SAMSN1: variants seen among roughly 807,000 people sequenced by gnomAD.
SAMSN1 encodes SAM domain-containing protein SAMSN-1.
SAMSN1 carries 31 observed loss-of-function variants against 42.0 expected under a neutral mutation model. That is an observed-to-expected ratio of 0.74 (90% CI 0.55 to 1.00). The LOEUF (loss-of-function observed/expected upper bound fraction) is 1.00. Among genes scored for constraint, SAMSN1 ranks in the 50% least tolerant of loss-of-function variants. SAMSN1 has a pLI of 0.00. For missense variants in SAMSN1, 464 were observed against 439.4 expected (o/e 1.06, Z -0.50); for synonymous variants, 178 against 151.9 (o/e 1.17, Z -1.26).
chr21:14,655,792 G>A (rs936169781), intron 1 of SAMSN1, among the ~76,000 whole-genome samples: 4 of 151,704 alleles, frequency 2.6e-5, no homozygotes, highest in Non-Finnish European at 5.9e-5. Flanking sequence ...AAGAAGTTGA[G>A]AATAACATAA....
chr21:14,550,625 A>G (rs1743568625), upstream of SAMSN1, among the ~76,000 whole-genome samples: 1 of 152,090 alleles, frequency 6.6e-6, no homozygotes, highest in Admixed American at 6.6e-5. Flanking sequence ...ACCCTGCCTG[A>G]GTTTCATTGC....
chr21:14,507,272 T>C (rs1987458894), intron 5 of SAMSN1, among the ~76,000 whole-genome samples: 1 of 152,216 alleles, frequency 6.6e-6, no homozygotes, highest in Non-Finnish European at 1.5e-5. Context: ...TCTGATGATA[T>C]GATCATTTAC....
intron 4 of SAMSN1, among the ~76,000 whole-genome samples, chr21:14,511,218 ATGCTCCACAT>A (rs1987675288): frequency 6.6e-6 from 1 of 152,176 alleles, no homozygotes; most frequent in Non-Finnish European, 1.5e-5. Flanking sequence ...CTCCTTCAAG[ATGCTCCACAT>A]TGTATGTGAA....
At chr21:14,496,444 A>G (rs529981486) in intron 7 of SAMSN1, 3 of 152,300 alleles carry the variant, frequency 2.0e-5, no homozygotes, top group African/African-American at 7.2e-5. Context: ...GTGTTCAAAA[A>G]ATACTCTTCT....
At chr21:14,491,725 T>G (rs1396221813) in intron 7 of SAMSN1, among the ~76,000 whole-genome samples, 1 of 152,222 alleles carries the variant, frequency 6.6e-6, no homozygotes, top group African/African-American at 2.4e-5. Context: ...ACATGAATTT[T>G]GTGTTAAATA....
chr21:14,515,625 A>G (rs1229475869), intron 3 of SAMSN1, among the ~76,000 whole-genome samples: 1 of 151,214 alleles, frequency 6.6e-6, no homozygotes, highest in Non-Finnish European at 1.5e-5. Context: ...ACAAGTGACC[A>G]AAAAAAGATA....
intron 2 of SAMSN1, among the ~76,000 whole-genome samples, chr21:14,638,788 T>C (rs1983527246): frequency 6.6e-6 from 1 of 152,194 alleles, no homozygotes; most frequent in Admixed American, 6.5e-5. Flanking sequence ...TGTAAGGAAA[T>C]AGAGACTGCA....
chr21:14,580,683 G>GT (rs1285556575), intron 2 of SAMSN1, among the ~76,000 whole-genome samples: 2 of 152,216 alleles, frequency 1.3e-5, no homozygotes, highest in Non-Finnish European at 2.9e-5. Flanking sequence ...TTGAACACAA[G>GT]TTACTTTAAT....
At chr21:14,513,044 C>T (rs1262929792) in intron 3 of SAMSN1, among the ~76,000 whole-genome samples, 6 of 152,132 alleles carry the variant, frequency 3.9e-5, no homozygotes. Context: ...ATGAATAAAA[C>T]ATGTACATTT....
chr21:14,564,700 C>T (rs1394587433), intron 2 of SAMSN1, among the ~76,000 whole-genome samples: 1 of 152,206 alleles, frequency 6.6e-6, no homozygotes, highest in African/African-American at 2.4e-5. Context: ...CCTCTTTATC[C>T]TATCCCTCCT....
At chr21:14,527,921 T>A (rs986415478) in intron 1 of SAMSN1, among the ~76,000 whole-genome samples, 7 of 152,148 alleles carry the variant, frequency 4.6e-5, no homozygotes, top group Non-Finnish European at 2.9e-5. Flanking sequence ...AGACTGTAAG[T>A]CATGCTACAC....
At chr21:14,580,838 G>A (rs1167265657) in intron 2 of SAMSN1, among the ~76,000 whole-genome samples, 1 of 152,152 alleles carries the variant, frequency 6.6e-6, no homozygotes, top group East Asian at 1.9e-4. Context: ...AAATGGTAGA[G>A]AGTAGGCTCC....
chr21:14,581,254 C>CTACCTCCTGTTAGCTGT (rs1232785303), intron 2 of SAMSN1, among the ~76,000 whole-genome samples: 1 of 148,374 alleles, frequency 6.7e-6, no homozygotes, highest in Non-Finnish European at 1.5e-5. Context: ...GGTCTTGGCT[C>CTACCTCCTGTTAGCTGT]TACCTCCTGT....
intron 2 of SAMSN1, among the ~76,000 whole-genome samples, chr21:14,560,615 T>C (rs1348745457): frequency 6.6e-6 from 1 of 152,180 alleles, no homozygotes; most frequent in Non-Finnish European, 1.5e-5. Context: ...TCTGAGGAAG[T>C]TTAGTAATCA....
chr21:14,500,595 T>G lies in SAMSN1; in HGVS notation c.702A>C (p.Ala234=). The G allele has an allele frequency of 6.2e-7, 1 of 1,614,198 alleles. No individual in the cohort carries two copies. Among genetic ancestry groups the G allele is most frequent in the Non-Finnish European group, 8.5e-7 (1 of 1,180,014 alleles). The change falls in exon 6 of 8, where the codon GCA becomes GCC. Residue 234 remains alanine (A), a synonymous_variant. Coordinates refer to ENST00000400566, the MANE Select transcript of SAMSN1 (RefSeq NM_022136.5). ...EEEAAPKKIK[A]NRRSNSKKSK... is the part of the protein sequence containing the mutation. ...ATTTTTTGCTGTTACTCCTTCGGTT[T>G]GCCTTTATTTTCTTGGGGGCTGCTT...
chr21:14,600,502 G>A (rs461853), intron 6 of SAMSN1, among the ~76,000 whole-genome samples: 72,821 of 151,882 alleles, frequency 0.48, 17,642 homozygotes, highest in African/African-American at 0.56. Context: ...TACACTACAT[G>A]TCACAGTTGA....
Position 14,555,154 on chromosome 21 carries a change from G to T in SAMSN1, c.261+26982C>A, listed in dbSNP as rs77032764. Among the ~76,000 whole-genome samples the T allele has an allele frequency of 5.0e-3, 756 of 152,268 alleles. 7 individuals are homozygous for T. Among genetic ancestry groups the T allele is most frequent in the African/African-American group, 0.016 (663 of 41,566 alleles). On this transcript the variant is annotated intron_variant, in intron 2 of 8. Coordinates refer to the SAMSN1 transcript ENST00000285670. ...CTGCCTTCAAAGGCTGAGCCTCTCA[G>T]GGCCTCTGTGATGCACACTGACTCA... is the stretch of plus-strand genomic sequence containing the variant.
At chr21:14,604,925 T>C (rs1474051559) in intron 5 of SAMSN1, among the ~76,000 whole-genome samples, 1 of 152,204 alleles carries the variant, frequency 6.6e-6, no homozygotes, top group Non-Finnish European at 1.5e-5. Flanking sequence ...GATCTGCAAG[T>C]GTGTGAGCCT....
chr21:14,545,339 A>G lies in SAMSN1; in HGVS notation c.57+866T>C, dbSNP rs1293828071. ...CCTAACATATAAAGACTGATAGACA[A>G]TAAATCAATCCTTAAAAAAAATCTG... On this transcript the variant is annotated intron_variant, in intron 1 of 7. Transcript: ENST00000400566. Among the ~76,000 whole-genome samples, 3 of 152,152 alleles carry G rather than the reference A, an allele frequency of 2.0e-5. 1 individual carries two copies. Among genetic ancestry groups the G allele is most frequent in the Admixed American group, 2.0e-4 (3 of 15,280 alleles).
Sources: allele counts gnomAD v4.1 joint callset (sites outside exome capture counted in the v4.1 genomes callset), GRCh38; gene constraint gnomAD v4.1.1; transcripts MANE v1.5; gene names NCBI Gene and HGNC (gene_info 2026-07-23, HGNC 2026-07-21).